Variants in CDH12 observed in about 807,000 individuals in gnomAD.
The protein encoded by CDH12 is cadherin-12.
CDH12 carries 41 observed loss-of-function variants against 74.1 expected under a neutral mutation model. The ratio of observed to expected loss-of-function variants is 0.55; its 90% CI spans 0.43 to 0.72. CDH12 has a LOEUF of 0.72. Among genes scored for constraint, CDH12 ranks in the 30% least tolerant of loss-of-function variants. CDH12 has a pLI of 0.00. For missense variants in CDH12, 945 were observed against 977.2 expected (o/e 0.97, Z 0.44); for synonymous variants, 399 against 355.0 (o/e 1.12, Z -1.39).
At chr5:22,270,510 G>A (rs1360872944) in intron 3 of CDH12, among the ~76,000 whole-genome samples, 1 of 151,376 alleles carries the variant, frequency 6.6e-6, no homozygotes, top group African/African-American at 2.4e-5. Context: ...CAGGAGAATT[G>A]CTTGAACTCA....
At chr5:22,555,943 A>G (rs1245236939) in intron 1 of CDH12, among the ~76,000 whole-genome samples, 3 of 152,064 alleles carry the variant, frequency 2.0e-5, no homozygotes, top group African/African-American at 7.2e-5. Flanking sequence ...ACACAGATAT[A>G]TTAGATAAAC....
At chr5:22,391,781 C>A (rs1427963992) in intron 3 of CDH12, among the ~76,000 whole-genome samples, 3 of 151,846 alleles carry the variant, frequency 2.0e-5, no homozygotes, top group Non-Finnish European at 1.5e-5. Flanking sequence ...ATAAATCAAT[C>A]AAATAAAACC....
chr5:22,742,191 G>GAAGA (rs10684584), intron 1 of CDH12, among the ~76,000 whole-genome samples: 9,551 of 149,724 alleles, frequency 0.064, 348 homozygotes, highest in African/African-American at 0.097. Flanking sequence ...CAAAAAAAAA[G>GAAGA]AAGAAAGAAA....
At chr5:22,311,113 A>T (rs1738370919) in intron 3 of CDH12, among the ~76,000 whole-genome samples, 1 of 152,166 alleles carries the variant, frequency 6.6e-6, no homozygotes, top group South Asian at 2.1e-4. Flanking sequence ...TCTTTCTGTT[A>T]CAAATGTGGA....
chr5:21,907,487 T>A (rs1753691141), intron 6 of CDH12, among the ~76,000 whole-genome samples: 1 of 152,212 alleles, frequency 6.6e-6, no homozygotes. Context: ...AGGGATAATC[T>A]GTATCATGCC....
At chr5:22,501,132 G>A (rs960476373) in intron 2 of CDH12, among the ~76,000 whole-genome samples, 2 of 151,898 alleles carry the variant, frequency 1.3e-5, no homozygotes, top group Admixed American at 1.3e-4. Flanking sequence ...CTTTATTTAA[G>A]GCATTGAATA....
At chr5:22,348,952 C>T (rs1043426808) in intron 3 of CDH12, among the ~76,000 whole-genome samples, 2 of 152,144 alleles carry the variant, frequency 1.3e-5, no homozygotes, top group Non-Finnish European at 2.9e-5. Context: ...CCCCAAAATT[C>T]ATATGTTAAA....
intron 3 of CDH12, among the ~76,000 whole-genome samples, chr5:22,261,454 C>T (rs548881641): frequency 6.6e-6 from 1 of 152,082 alleles, no homozygotes; most frequent in Non-Finnish European, 1.5e-5. Flanking sequence ...GACCAGATCA[C>T]AGATATTGCT....
intron 2 of CDH12, among the ~76,000 whole-genome samples, chr5:22,490,979 T>G (rs1746838307): frequency 6.6e-6 from 1 of 152,150 alleles, no homozygotes; most frequent in Admixed American, 6.5e-5. Flanking sequence ...ACTTCCTCAT[T>G]TCTATTTGCT....
rs1307682167 is a variant in CDH12, at chr5:22,621,206, G to T, written c.-522-115842C>A. Among the ~76,000 whole-genome samples, 23 of 152,096 alleles carry T rather than the reference G, an allele frequency of 1.5e-4. 1 individual carries two copies. The highest frequency in any genetic ancestry group is 1.5e-3 in the Admixed American group (23 of 15,254). On this transcript the variant is annotated intron_variant, in intron 1 of 14. Transcript: ENST00000382254. ...AGTCTGCTTCTGTCTTTCACTTATAGCACCTTTGCCCTTAGACTGGGCCAA... is the reference window on the plus strand; with the variant it reads ...AGTCTGCTTCTGTCTTTCACTTATATCACCTTTGCCCTTAGACTGGGCCAA...
intron 6 of CDH12, among the ~76,000 whole-genome samples, chr5:21,942,720 G>T (rs1320571944): frequency 6.6e-6 from 1 of 152,048 alleles, no homozygotes; most frequent in African/African-American, 2.4e-5. Context: ...ATTTCTATGT[G>T]TCTTTTCTGT....
At chr5:21,875,668 C>T (rs1001259494) in intron 6 of CDH12, among the ~76,000 whole-genome samples, 2 of 151,248 alleles carry the variant, frequency 1.3e-5, no homozygotes, top group Admixed American at 6.6e-5. Flanking sequence ...ATTGTACTTC[C>T]GGAAGTACTG....
intron 5 of CDH12, among the ~76,000 whole-genome samples, chr5:22,004,961 G>A (rs1163454420): frequency 6.6e-6 from 1 of 152,090 alleles, no homozygotes; most frequent in Non-Finnish European, 1.5e-5. Flanking sequence ...CTGTGTTGCT[G>A]CAAAACACAC....
intron 3 of CDH12, among the ~76,000 whole-genome samples, chr5:22,404,365 T>C (rs1742852829): frequency 6.6e-6 from 1 of 152,152 alleles, no homozygotes; most frequent in Admixed American, 6.6e-5. Flanking sequence ...ACATTTGGTA[T>C]GTTACAAGCT....
intron 4 of CDH12, among the ~76,000 whole-genome samples, chr5:22,117,501 A>ATATATTAT (rs1745229676): frequency 1.4e-5 from 1 of 70,892 alleles, no homozygotes; most frequent in African/African-American, 6.4e-5. Flanking sequence ...ATATATATAT[A>ATATATTAT]ATATATATAT....
chr5:22,038,589 A>G (rs192289894), intron 5 of CDH12, among the ~76,000 whole-genome samples: 2 of 152,306 alleles, frequency 1.3e-5, no homozygotes, highest in Admixed American at 1.3e-4. Context: ...TGCCTCCTGA[A>G]AAAATGGTTG....
intron 6 of CDH12, among the ~76,000 whole-genome samples, chr5:21,965,526 G>C (rs1196315854): frequency 1.3e-5 from 2 of 151,308 alleles, no homozygotes; most frequent in African/African-American, 4.9e-5. Flanking sequence ...GTGTGCCTTT[G>C]CCAATTAAAC....
At chr5:22,105,159 T>G (rs976149851) in intron 4 of CDH12, among the ~76,000 whole-genome samples, 10 of 152,098 alleles carry the variant, frequency 6.6e-5, no homozygotes, top group African/African-American at 2.2e-4. Context: ...TGGTACGATC[T>G]CAGCTCACTA....
intron 1 of CDH12, among the ~76,000 whole-genome samples, chr5:22,790,020 T>C (rs2126379475): frequency 6.6e-6 from 1 of 152,204 alleles, no homozygotes; most frequent in South Asian, 2.1e-4. Flanking sequence ...AATAGGAGTT[T>C]CTAAACTTTT....
Sources: gnomAD v4.1 joint callset for allele counts (sites outside exome capture counted in the v4.1 genomes callset) on GRCh38, gnomAD v4.1.1 for gene constraint, MANE v1.5 for transcripts, NCBI Gene and HGNC (gene_info 2026-07-23, HGNC 2026-07-21) for gene names.